DNAH17: variants seen among roughly 807,000 people sequenced by gnomAD.
DNAH17 encodes dynein axonemal heavy chain 17.
In DNAH17, 376 loss-of-function variants were observed where a neutral mutation model predicts 485.6. That is an observed-to-expected ratio of 0.77 (90% CI 0.71 to 0.84). DNAH17 has a LOEUF of 0.84. Among genes scored for constraint, DNAH17 ranks in the 40% least tolerant of loss-of-function variants. The pLI is 0.00. For missense variants in DNAH17, 6,370 were observed against 5,839.3 expected (o/e 1.09, Z -2.96); for synonymous variants, 3,031 against 2,405.9 (o/e 1.26, Z -7.60).
At position 78,449,566 on chromosome 17, in the gene DNAH17, C is replaced by T; in HGVS notation, c.11059G>A (p.Glu3687Lys). The change falls in exon 69 of 81, where the codon GAG becomes AAG. Residue 3687 changes from glutamate (E) to lysine (K), a missense_variant. By Grantham distance (56) the Glu-to-Lys change is moderately conservative (BLOSUM62 1). Coordinates refer to ENST00000389840, the MANE Select transcript of DNAH17 (RefSeq NM_173628.4). Reference sequence around the variant, plus strand: ...GGGGTGGTCCTCTGGATGGCTTTCTCAAACACCACGTTGAAGGCCTGGGGA... The same window carrying T: ...GGGGTGGTCCTCTGGATGGCTTTCTTAAACACCACGTTGAAGGCCTGGGGA... ...FSLKAFNVVFEKAIQRTTPAN... is the reference protein window; with the variant it reads ...FSLKAFNVVFKKAIQRTTPAN... 1 of 1,606,740 alleles carries T rather than the reference C, an allele frequency of 6.2e-7. No homozygotes were observed. Among genetic ancestry groups the T allele is most frequent in the Non-Finnish European group, 8.5e-7 (1 of 1,176,472 alleles).
At chr17:78,435,684 CAG>C (rs1399123104) in intron 74 of DNAH17, among the ~76,000 whole-genome samples, 4 of 152,232 alleles carry the variant, frequency 2.6e-5, no homozygotes, top group South Asian at 4.1e-4. Context: ...CGGGTCGCTG[CAG>C]AGTTTGTTGA....
intron 64 of DNAH17, 94 bp from the exon 65 acceptor site, chr17:78,453,559 G>A: frequency 6.6e-7 from 1 of 1,524,954 alleles, no homozygotes; most frequent in South Asian, 1.2e-5. Flanking sequence ...CTCTGAGCGA[G>A]ACAGCGCCAA....
chr17:78,570,910 C>T (rs1256077353), intron 6 of DNAH17, 38 bp downstream of exon 6: 2 of 1,216,808 alleles, frequency 1.6e-6, no homozygotes, highest in African/African-American at 1.6e-5. Flanking sequence ...AGAAACAAGA[C>T]CCTCCCCACC....
At chr17:78,493,304 C>G (rs746869977) in intron 41 of DNAH17, 1 of 156,210 alleles carries the variant, frequency 6.4e-6, no homozygotes, top group East Asian at 1.9e-4. Context: ...GTCTGCAGCC[C>G]GCAGAGAGCT....
rs2289754 is a variant in DNAH17, at chr17:78,459,136, G to T, written c.9726C>A (p.Cys3242Ter). 1.9e-6 allele frequency: 3 copies of T among 1,613,816 alleles called. No individual in the cohort carries two copies. Among genetic ancestry groups the T allele is most frequent in the Non-Finnish European group, 2.5e-6 (3 of 1,179,892 alleles). ...AGCGGACGATGTTGATGCACCAGGA[G>T]CACAGGCCGGCGGCGGCCGTGGACT... is the stretch of plus-strand genomic sequence containing the variant. ...RSKSTAAAGLCSWCINIVRFY... is the reference protein window; with the variant it reads ...RSKSTAAAGL The change falls in exon 61 of 81, where the codon TGC (cysteine) becomes TGA (stop). Residue 3242 changes from cysteine to a stop codon, truncating the protein, a stop_gained. Transcript: ENST00000389840. LOFTEE classifies it high-confidence loss of function.
chr17:78,553,377 C>G (rs2091953131), intron 14 of DNAH17, among the ~76,000 whole-genome samples: 1 of 134,526 alleles, frequency 7.4e-6, no homozygotes, highest in African/African-American at 2.8e-5. Flanking sequence ...TCTTGGCTCA[C>G]TGCAATCTCT....
At position 78,496,023 on chromosome 17, in the gene DNAH17, C is replaced by A; in HGVS notation, c.5755G>T (p.Val1919Phe). ...LSVIAVQVKC[V>F]QDAIRAKKKA... ...TTCTTGGCCCGAATTGCATCCTGGA[C>A]ACATTTTACCTGCACGGTTGGTGAC... The change falls in exon 38 of 81, where the codon GTC becomes TTC. Residue 1919 changes from valine (V) to phenylalanine (F), a missense_variant. Val to Phe is a conservative substitution (Grantham distance 50, BLOSUM62 -1). Transcript: ENST00000389840. 1 of 1,613,404 alleles carries A rather than the reference C, an allele frequency of 6.2e-7. No individual in the cohort carries two copies. The highest frequency in any genetic ancestry group is 8.5e-7 in the Non-Finnish European group (1 of 1,179,522).
At chr17:78,544,947 T>A (rs2143497982) in intron 16 of DNAH17, among the ~76,000 whole-genome samples, 1 of 152,176 alleles carries the variant, frequency 6.6e-6, no homozygotes, top group South Asian at 2.1e-4. Context: ...CCTAATAAGT[T>A]TTTTTTGTCA....
chr17:78,441,075 G>T lies in DNAH17; in HGVS notation c.11653C>A (p.Pro3885Thr), dbSNP rs1434263343. Residue 3885 changes from proline (P) to threonine (T), a missense_variant, in exon 72 of 81, where the codon CCC (proline) becomes ACC (threonine). Transcript: ENST00000389840. ...CCCAGGGCTTCCACGTCTTTCAAGG[G>T]GTCAACCCCCGGGGAGAGGATGAAG... is the stretch of plus-strand genomic sequence containing the variant. ...IFFILSPGVD[P>T]LKDVEALGKK... 2.5e-6 allele frequency: 4 copies of T among 1,604,644 alleles called. No individual in the cohort carries two copies. The highest frequency in any genetic ancestry group is 3.4e-6 in the Non-Finnish European group (4 of 1,175,456).
In DNAH17 at chr17:78,468,633, A is replaced by G. The variant is rs765384020; in HGVS notation, c.8762T>C (p.Val2921Ala). The change falls in exon 55 of 81, where the codon GTG becomes GCG. Residue 2921 changes from valine to alanine, a missense_variant. Transcript: ENST00000389840. ...ETCWKFFIEK[V>A]RRQLKVILCF... ...GAGCCCCACCTTGAGCTGTCTGCGCACTTTTTCGATGAAGAACTTCCAACA... is the reference window on the plus strand; with the variant it reads ...GAGCCCCACCTTGAGCTGTCTGCGCGCTTTTTCGATGAAGAACTTCCAACA... 1.4e-5 allele frequency: 22 copies of G among 1,613,340 alleles called. No individual in the cohort carries two copies. The highest frequency in any genetic ancestry group is 1.9e-5 in the Non-Finnish European group (22 of 1,179,632).
chr17:78,472,869 T>C (rs956458775), intron 54 of DNAH17: 7 of 390,432 alleles, frequency 1.8e-5, no homozygotes, highest in African/African-American at 1.5e-4. Flanking sequence ...GCTTTCAAAC[T>C]ATCCTTCCTG....
Position 78,437,818 on chromosome 17 carries a change from C to T in DNAH17, c.11856G>A (p.Glu3952=). The T allele has an allele frequency of 1.2e-6, 2 of 1,612,160 alleles. No homozygotes were observed. The highest frequency in any genetic ancestry group is 1.7e-6 in the Non-Finnish European group (2 of 1,179,562). ...CCTCATGGCTGCCCGTGCTGTAGTG[C>T]TCCAGCTTCTTGTCCAGTGTTCCCA... ...RWLGTLDKKL[E]HYSTGSHEDY... is the part of the protein sequence containing the mutation. The change falls in exon 74 of 81, where the codon GAG becomes GAA. Residue 3952 remains glutamate, a synonymous_variant. Transcript: ENST00000389840.
Position 78,531,337 on chromosome 17 carries a change from C to CTT in DNAH17, c.3115-827_3115-826dup, listed in dbSNP as rs35874440. 1.9e-3 allele frequency among the ~76,000 whole-genome samples: 238 copies of CTT among 122,330 alleles called. 3 individuals carry two copies. The highest frequency in any genetic ancestry group is 4.8e-3 in the African/African-American group (148 of 30,854). 80.3% of individuals were successfully genotyped at this position (122,330 alleles called of 152,430 possible). A position where few individuals can be genotyped will look rare whatever the true frequency, so the allele number is the denominator to read the frequency against. ...TTACTGTTTGTGACATAAAGTCTGT[C>CTT]TTTTTTTTTTTTTTTTTTTTGAGAT... On this transcript the variant is annotated intron_variant, in intron 20 of 80. Coordinates refer to ENST00000389840, the MANE Select transcript of DNAH17 (RefSeq NM_173628.4).
rs1005098656 is a variant in DNAH17, at chr17:78,505,240, C to T, written c.4956+53G>A. On this transcript the variant is annotated intron_variant, in intron 31 of 80. Coordinates refer to ENST00000389840, the MANE Select transcript of DNAH17 (RefSeq NM_173628.4). ...GCCATCTGAGGGCGTGTGGCCCACA[C>T]GCGTGCTGCACCCTTGTCCTGGGTT... 104 of 1,605,948 alleles carry T rather than the reference C, an allele frequency of 6.5e-5. No homozygotes were observed. In the African/African-American group the frequency reaches 6.7e-4, roughly 10 times the overall value.
chr17:78,465,349 C>G, intron 56 of DNAH17, among the ~76,000 whole-genome samples: 1 of 151,628 alleles, frequency 6.6e-6, no homozygotes, highest in Admixed American at 6.6e-5. Context: ...GCCCGGCCGC[C>G]ACCCCGTCTG....
chr17:78,542,832 C>A (rs116397552), intron 17 of DNAH17, among the ~76,000 whole-genome samples: 1 of 152,364 alleles, frequency 6.6e-6, no homozygotes, highest in South Asian at 2.1e-4. Flanking sequence ...AAATGGTCCT[C>A]GCTCTTCCCA....
chr17:78,478,663 TACCATCA>T (rs2089208244), intron 51 of DNAH17, among the ~76,000 whole-genome samples: 1 of 131,464 alleles, frequency 7.6e-6, no homozygotes, highest in African/African-American at 3.4e-5. Flanking sequence ...CCACCATCAC[TACCATCA>T]CTACCACCAT....
intron 46 of DNAH17, 25 bp downstream of exon 46, chr17:78,485,935 G>A (rs767232118): frequency 4.4e-6 from 7 of 1,607,436 alleles, no homozygotes; most frequent in Middle Eastern, 1.7e-4. Context: ...TCACCAGTCG[G>A]TGGCCCTGCT....
At chr17:78,445,277 C>T (rs1003073595) in intron 70 of DNAH17, among the ~76,000 whole-genome samples, 1 of 149,738 alleles carries the variant, frequency 6.7e-6, no homozygotes, top group African/African-American at 2.5e-5. Flanking sequence ...GTAAGAGGCC[C>T]TGAGGCCTCT....
Sources: gnomAD v4.1 joint callset for allele counts (sites outside exome capture counted in the v4.1 genomes callset) on GRCh38, gnomAD v4.1.1 for gene constraint, MANE v1.5 for transcripts, NCBI Gene and HGNC (gene_info 2026-07-23, HGNC 2026-07-21) for gene names.